DRAXIN: variants seen among roughly 807,000 people sequenced by gnomAD.
The protein encoded by DRAXIN is dorsal inhibitory axon guidance protein.
In DRAXIN, 27 loss-of-function variants were observed where a neutral mutation model predicts 33.9. The ratio of observed to expected loss-of-function variants is 0.80; its 90% CI spans 0.59 to 1.10. DRAXIN has a LOEUF of 1.10. Ranked by LOEUF, DRAXIN falls within the 50% of genes least tolerant of loss-of-function variation. The probability of loss-of-function intolerance (pLI) is 0.00; values close to 1 mark genes in which losing one functional copy is unlikely to be tolerated. For synonymous variants in DRAXIN, 178 were observed against 194.0 expected, an observed-to-expected ratio of 0.92 and a Z score of 0.69; for missense variants, 371 against 460.8, an observed-to-expected ratio of 0.81 and a Z score of 1.78.
rs151139817 is a variant in DRAXIN at position 11,696,746 on chromosome 1, G to A, written c.-11+4893G>A. ...TGTGCACCTGTAGTCCCAGCTACTC[G>A]GGAGGCTGAGGCAGAAGAATTGCTT... is the stretch of plus-strand genomic sequence containing the variant. On this transcript the variant is annotated intron_variant, in intron 1 of 6. Coordinates refer to ENST00000294485, the MANE Select transcript of DRAXIN (RefSeq NM_198545.4). The surrounding 1 kb of genome is among the most constrained non-coding windows in gnomAD (Gnocchi z 4.7). 8.5e-4 allele frequency among the ~76,000 whole-genome samples: 130 copies of A among 152,190 alleles called. No homozygotes were observed. The highest frequency in any genetic ancestry group is 2.4e-3 in the African/African-American group (101 of 41,518).
rs1332248848 is a variant in DRAXIN, at chr1:11,705,091, GC to G, written c.-10-1155del. Among the ~76,000 whole-genome samples the G allele has an allele frequency of 3.9e-5, 6 of 152,176 alleles. No individual in the cohort carries two copies. Among genetic ancestry groups the G allele is most frequent in the Non-Finnish European group, 4.4e-5 (3 of 68,024 alleles). ...GCCGGGAAGCAGGGAAACATCACAG[GC>G]CCACCAACCTTTTCTCAGCCCGGGA... On this transcript the variant is annotated intron_variant, in intron 1 of 6. Coordinates refer to ENST00000294485, the MANE Select transcript of DRAXIN (RefSeq NM_198545.4). The surrounding 1 kb of genome is among the most constrained non-coding windows in gnomAD (Gnocchi z 4.8).
At chr1:11,697,059 A>C (rs1641205580) in intron 1 of DRAXIN, among the ~76,000 whole-genome samples, 2 of 140,766 alleles carry the variant, frequency 1.4e-5, no homozygotes, top group African/African-American at 5.3e-5. Context: ...AAAAAAAAAA[A>C]CAACTTTTAC....
Position 11,711,842 on chromosome 1 carries a change from G to A in DRAXIN, c.643-9G>A, listed in dbSNP as rs1349794993. On this transcript the variant is annotated splice_polypyrimidine_tract_variant and intron_variant, in intron 3 of 6. Coordinates refer to ENST00000294485, the MANE Select transcript of DRAXIN (RefSeq NM_198545.4). ...AGGTTCCAACATCCCCCTTCTCCAC[G>A]GTCTCCAGCAGGCACAGCCCAGGTC... 40 of 1,609,326 alleles carry A rather than the reference G, an allele frequency of 2.5e-5. No homozygotes were observed. The highest frequency in any genetic ancestry group is 4.5e-5 in the East Asian group (2 of 44,782).
intron 1 of DRAXIN, among the ~76,000 whole-genome samples, chr1:11,701,658 C>T (rs1450754796): frequency 1.3e-5 from 2 of 152,176 alleles, no homozygotes; most frequent in African/African-American, 4.8e-5. Flanking sequence ...TGACTGTGCT[C>T]GGCTGGGAGG....
Position 11,709,300 on chromosome 1 carries a change from C to A in DRAXIN, c.477C>A (p.Ser159Arg). 6.2e-7 allele frequency: 1 copy of A among 1,613,312 alleles called. No individual in the cohort carries two copies. The highest frequency in any genetic ancestry group is 8.5e-7 in the Non-Finnish European group (1 of 1,179,590). ...HQGRALVRGP[S>R]SLMKKAELSE... ...GCCGAGCCTTGGTCCGAGGTCCCAGCTCCCTGATGAAGAAGGCAGAGCTCT... is the reference window on the plus strand; with the variant it reads ...GCCGAGCCTTGGTCCGAGGTCCCAGATCCCTGATGAAGAAGGCAGAGCTCT... The change falls in exon 3 of 7, where the codon AGC (serine) becomes AGA (arginine). Residue 159 changes from serine to arginine, a missense_variant. Coordinates refer to ENST00000294485, the MANE Select transcript of DRAXIN (RefSeq NM_198545.4).
chr1:11,718,387 TA>T lies in DRAXIN; in HGVS notation c.938-1188del, dbSNP rs957742333. 1.4e-3 allele frequency among the ~76,000 whole-genome samples: 211 copies of T among 151,440 alleles called. 1 individual carries two copies. The highest frequency in any genetic ancestry group is 1.9e-3 in the Non-Finnish European group (128 of 67,810). On this transcript the variant is annotated intron_variant, in intron 6 of 6. Transcript: ENST00000294485. Reference sequence around the variant, plus strand: ...AGGGAAGGGCAGAATTTGAGCCACTTAAAAAAAAATTTAATAACCTTTTTCC... The same window carrying T: ...AGGGAAGGGCAGAATTTGAGCCACTTAAAAAAAATTTAATAACCTTTTTCC...
At chr1:11,714,981 T>G (rs1641552482) in intron 5 of DRAXIN, 138 bp from the exon 6 acceptor site, 2 of 948,138 alleles carry the variant, frequency 2.1e-6, no homozygotes, top group South Asian at 3.0e-5. Context: ...TCAGGAGCCT[T>G]GCACACCAGA....
At position 11,724,446 on chromosome 1, in the gene DRAXIN, G is replaced by A. The variant is rs376286299; in HGVS notation, c.*4750G>A. Reference sequence around the variant, plus strand: ...ACCAAGAGTGGTTTCCATGCCTGCTGGGAATAGGCTGAGCATGCAATGACA... The same window carrying A: ...ACCAAGAGTGGTTTCCATGCCTGCTAGGAATAGGCTGAGCATGCAATGACA... On this transcript the variant is annotated 3_prime_UTR_variant, in exon 7 of 7. Transcript: ENST00000294485. 1 of 152,286 alleles carries A rather than the reference G, an allele frequency of 6.6e-6. No individual in the cohort carries two copies. The highest frequency in any genetic ancestry group is 1.5e-5 in the Non-Finnish European group (1 of 68,076). The allele number at this position is 152,286 out of a possible 1,614,324, so 9.4% of individuals were successfully genotyped here.
chr1:11,715,403 C>T lies in DRAXIN; in HGVS notation c.937+195C>T, dbSNP rs1570319847. Among the ~76,000 whole-genome samples the T allele has an allele frequency of 2.0e-5, 3 of 152,342 alleles. No individual in the cohort carries two copies. In the South Asian group the frequency reaches 6.2e-4, roughly 32 times the overall value. Reference sequence around the variant, plus strand: ...TGAGCAAGAACAGCTTTATCAGTGCCTTCCCAATCTGTGAACTCATTTAGT... The same window carrying T: ...TGAGCAAGAACAGCTTTATCAGTGCTTTCCCAATCTGTGAACTCATTTAGT... On this transcript the variant is annotated intron_variant, in intron 6 of 6. Coordinates refer to ENST00000294485, the MANE Select transcript of DRAXIN (RefSeq NM_198545.4).
At chr1:11,709,554 G>A in intron 3 of DRAXIN, 89 bp downstream of exon 3, 4 of 1,407,980 alleles carry the variant, frequency 2.8e-6, no homozygotes, top group Non-Finnish European at 3.8e-6. Flanking sequence ...GGAGACTGAG[G>A]CACGGGGGCA....
At chr1:11,700,174 G>A (rs926279359) in intron 1 of DRAXIN, among the ~76,000 whole-genome samples, 19 of 151,998 alleles carry the variant, frequency 1.3e-4, no homozygotes, top group African/African-American at 4.1e-4. Flanking sequence ...AGGTTGCAGT[G>A]AGCCGAGATT....
upstream of DRAXIN, among the ~76,000 whole-genome samples, chr1:11,690,680 A>G (rs918013223): frequency 6.6e-6 from 1 of 152,162 alleles, no homozygotes; most frequent in African/African-American, 2.4e-5. The surrounding 1 kb of genome is among the most constrained non-coding windows in gnomAD (Gnocchi z 4.2). Flanking sequence ...GCTGCTTCCC[A>G]CATATGGGAG....
upstream of DRAXIN, among the ~76,000 whole-genome samples, chr1:11,689,292 C>CAAAAAA (rs70983584): frequency 1.0e-4 from 7 of 67,962 alleles, no homozygotes; most frequent in African/African-American, 3.2e-4. Flanking sequence ...GACTCTGTCT[C>CAAAAAA]AAAAAAAAAA....
chr1:11,706,752 G>A lies in DRAXIN; in HGVS notation c.451+43G>A, dbSNP rs774714172. The A allele has an allele frequency of 2.1e-5, 31 of 1,494,942 alleles. No individual in the cohort carries two copies. Among genetic ancestry groups the A allele is most frequent in the Admixed American group, 8.5e-5 (4 of 47,154 alleles). The allele number at this position is 1,494,942 out of a possible 1,614,324, so 92.6% of individuals were successfully genotyped here. A position where few individuals can be genotyped will look rare whatever the true frequency, so the allele number is the denominator to read the frequency against. ...AGGGGTGGGGATGGGGGTGATTCCT[G>A]CCATGGACTGAGGGGAGCAGGAGAG... On this transcript the variant is annotated intron_variant, in intron 2 of 6. Coordinates refer to ENST00000294485, the MANE Select transcript of DRAXIN (RefSeq NM_198545.4). This position sits in a 1 kb window ranked among gnomAD's most constrained non-coding sequence, Gnocchi z 5.5.
chr1:11,719,529 A>G, intron 6 of DRAXIN, 55 bp from the exon 7 acceptor site: 2 of 1,479,004 alleles, frequency 1.4e-6, no homozygotes, highest in Non-Finnish European at 1.9e-6. Flanking sequence ...AGGGGAAGGA[A>G]GGGGAGGGCA....
Position 11,692,940 on chromosome 1 carries a change from T to C in DRAXIN, c.-11+1087T>C, listed in dbSNP as rs1168947047. ...GCTTGGTGCTGGTTCACACACCCTG[T>C]GGAGGAAGGGAGGGGAGGGGAGGGG... On this transcript the variant is annotated intron_variant, in intron 1 of 6. Coordinates refer to ENST00000294485, the MANE Select transcript of DRAXIN (RefSeq NM_198545.4). The surrounding 1 kb of genome is among the most constrained non-coding windows in gnomAD (Gnocchi z 5.8). Among the ~76,000 whole-genome samples the C allele has an allele frequency of 8.5e-6, 1 of 117,796 alleles. No individual in the cohort carries two copies. The highest frequency in any genetic ancestry group is 2.5e-4 in the East Asian group (1 of 4,026). 77.3% of individuals were successfully genotyped at this position (117,796 alleles called of 152,430 possible).
At chr1:11,717,967 C>T (rs1439532145) in intron 6 of DRAXIN, among the ~76,000 whole-genome samples, 4 of 138,338 alleles carry the variant, frequency 2.9e-5, no homozygotes, top group African/African-American at 1.1e-4. Context: ...TGCCACTGCA[C>T]TCCAGTCCAG....
chr1:11,720,288 G>A lies in DRAXIN; in HGVS notation c.*592G>A, dbSNP rs1025677839. The A allele has an allele frequency of 1.3e-5, 2 of 152,528 alleles. No homozygotes were observed. Among genetic ancestry groups the A allele is most frequent in the African/African-American group, 2.4e-5 (1 of 41,412 alleles). 9.4% of individuals were successfully genotyped at this position (152,528 alleles called of 1,614,324 possible). A position where few individuals can be genotyped will look rare whatever the true frequency, so the allele number is the denominator to read the frequency against. ...CTGAACATGCTAAGAGTCACCTGGA[G>A]GTCCAGTTAAAAATGTACATCTGGC... On this transcript the variant is annotated 3_prime_UTR_variant, in exon 7 of 7. Transcript: ENST00000294485.
rs1641507585 is a variant in DRAXIN at position 11,712,368 on chromosome 1, T to C, written c.786T>C (p.Asp262=). 7 of 1,613,972 alleles carry C rather than the reference T, an allele frequency of 4.3e-6. No homozygotes were observed. Among genetic ancestry groups the C allele is most frequent in the Admixed American group, 1.7e-5 (1 of 59,980 alleles). The part of the protein sequence containing the change: ...KEKHRGKLSS[D]GNETSPAEGE... Reference sequence around the variant, plus strand: ...AACACCGCGGTAAACTCTCCAGTGATGGTAACGAAACATCACCAGCCGAAG... The same window carrying C: ...AACACCGCGGTAAACTCTCCAGTGACGGTAACGAAACATCACCAGCCGAAG... Residue 262 remains aspartate, a synonymous_variant, in exon 5 of 7, where the codon GAT becomes GAC. Transcript: ENST00000294485.
Sources: gnomAD v4.1 joint callset for allele counts (sites outside exome capture counted in the v4.1 genomes callset) on GRCh38, gnomAD v4.1.1 for gene constraint, Gnocchi (gnomAD v3.1) non-coding constraint, MANE v1.5 for transcripts, NCBI Gene and HGNC (gene_info 2026-07-23, HGNC 2026-07-21) for gene names.